Variants in GRID1 observed in about 807,000 individuals in gnomAD.
GRID1 encodes the protein glutamate ionotropic receptor delta type subunit 1, also known as glutamate receptor ionotropic, delta-1.
A neutral mutation model predicts 98.0 loss-of-function variants in GRID1; 28 were observed. The ratio of observed to expected loss-of-function variants is 0.29; its 90% CI spans 0.21 to 0.39. GRID1 has a LOEUF of 0.39. GRID1 is among the 10% of genes least tolerant of loss of function. The pLI, the probability that GRID1 is intolerant of heterozygous loss-of-function variation, is 1.00. For missense variants in GRID1, 1,111 were observed against 1,340.5 expected, an observed-to-expected ratio of 0.83 and a Z score of 2.67; for synonymous variants, 553 against 538.5, an observed-to-expected ratio of 1.03 and a Z score of -0.37.
intron 4 of GRID1, among the ~76,000 whole-genome samples, chr10:86,077,182 G>T (rs1843895108): frequency 7.3e-6 from 1 of 136,138 alleles, no homozygotes; most frequent in South Asian, 2.3e-4. Flanking sequence ...TCTCACTGTG[G>T]GGTGTCATGC....
chr10:86,169,455 C>T (rs547473931), intron 3 of GRID1, among the ~76,000 whole-genome samples: 33 of 152,266 alleles, frequency 2.2e-4, no homozygotes, highest in South Asian at 6.2e-4. Context: ...GGAGTTAGGA[C>T]GCCAGCTTCC....
chr10:86,175,369 T>C (rs984032089), intron 3 of GRID1, among the ~76,000 whole-genome samples: 1 of 149,712 alleles, frequency 6.7e-6, no homozygotes, highest in Non-Finnish European at 1.5e-5. Flanking sequence ...TCCAAGAAAG[T>C]GGTGGCCTAA....
At chr10:85,978,538 A>G (rs960575572) in intron 4 of GRID1, among the ~76,000 whole-genome samples, 4 of 152,236 alleles carry the variant, frequency 2.6e-5, no homozygotes, top group Non-Finnish European at 5.9e-5. Flanking sequence ...TCACATTACC[A>G]GGAAGGAGGA....
intron 13 of GRID1, among the ~76,000 whole-genome samples, chr10:85,622,954 C>T (rs1842874085): frequency 6.6e-6 from 1 of 152,184 alleles, no homozygotes; most frequent in Admixed American, 6.5e-5. Flanking sequence ...CAAGTACATG[C>T]CTAGAGCTCC....
intron 4 of GRID1, among the ~76,000 whole-genome samples, chr10:85,942,019 C>T (rs1842002551): frequency 6.6e-6 from 1 of 152,184 alleles, no homozygotes; most frequent in Admixed American, 6.5e-5. Flanking sequence ...TAGCTTGAAC[C>T]TAGATATACT....
intron 2 of GRID1, among the ~76,000 whole-genome samples, chr10:86,236,503 T>A (rs767030863): frequency 6.6e-6 from 1 of 152,192 alleles, no homozygotes; most frequent in African/African-American, 2.4e-5. Context: ...AAGGTCTGCA[T>A]GGTCTTGGCC....
intron 2 of GRID1, among the ~76,000 whole-genome samples, chr10:86,294,373 GCACCA>G (rs1847558216): frequency 6.6e-6 from 1 of 152,220 alleles, no homozygotes; most frequent in Non-Finnish European, 1.5e-5. Flanking sequence ...TGAGCTGTGT[GCACCA>G]GCATCTTTCT....
chr10:85,854,871 T>C (rs1843094263), intron 7 of GRID1, among the ~76,000 whole-genome samples: 2 of 152,150 alleles, frequency 1.3e-5, no homozygotes, highest in South Asian at 4.1e-4. Context: ...ATGCTTAGAG[T>C]CCCTGCTATG....
chr10:85,936,877 T>C (rs960541255), intron 4 of GRID1, among the ~76,000 whole-genome samples: 1 of 152,258 alleles, frequency 6.6e-6, no homozygotes, highest in Non-Finnish European at 1.5e-5. Flanking sequence ...GTTATTAAGT[T>C]AATTTTAATT....
intron 4 of GRID1, among the ~76,000 whole-genome samples, chr10:85,962,493 A>G (rs1335048764): frequency 3.3e-5 from 5 of 152,194 alleles, no homozygotes; most frequent in Non-Finnish European, 5.9e-5. Context: ...GAGAAGTTAC[A>G]TTGCCTGGAG....
At chr10:85,758,148 T>C (rs1842116238) in intron 8 of GRID1, among the ~76,000 whole-genome samples, 1 of 152,264 alleles carries the variant, frequency 6.6e-6, no homozygotes, top group Non-Finnish European at 1.5e-5. Flanking sequence ...AGGAAAGTTT[T>C]ATGGCCTCTT....
chr10:85,799,318 A>C (rs889205637), intron 8 of GRID1, among the ~76,000 whole-genome samples: 1 of 152,052 alleles, frequency 6.6e-6, no homozygotes, highest in African/African-American at 2.4e-5. Flanking sequence ...TGCTTTTGCT[A>C]TCTGGGATCT....
At chr10:85,858,572 A>G (rs1429008868) in intron 6 of GRID1, among the ~76,000 whole-genome samples, 1 of 152,168 alleles carries the variant, frequency 6.6e-6, no homozygotes, top group Non-Finnish European at 1.5e-5. Flanking sequence ...CCTCTGGAAA[A>G]CAAACCCATG....
intron 4 of GRID1, among the ~76,000 whole-genome samples, chr10:85,957,110 T>C (rs932988027): frequency 6.6e-6 from 1 of 152,100 alleles, no homozygotes; most frequent in African/African-American, 2.4e-5. Flanking sequence ...GAGAACAGCA[T>C]GGAGGAACCG....
chr10:85,931,927 G>GA (rs1483110830), intron 4 of GRID1, among the ~76,000 whole-genome samples: 1 of 152,168 alleles, frequency 6.6e-6, no homozygotes, highest in African/African-American at 2.4e-5. Flanking sequence ...AGTTTCTCCA[G>GA]AAAAGACTCC....
chr10:86,112,213 G>A (rs777676394), intron 4 of GRID1, among the ~76,000 whole-genome samples: 7 of 152,206 alleles, frequency 4.6e-5, no homozygotes, highest in Admixed American at 2.0e-4. Context: ...GGCCAGCCAG[G>A]AGCAGGCAGG....
At chr10:86,042,120 C>A (rs1843355123) in intron 4 of GRID1, among the ~76,000 whole-genome samples, 2 of 152,230 alleles carry the variant, frequency 1.3e-5, no homozygotes, top group African/African-American at 2.4e-5. Context: ...CTGGGAGGGT[C>A]TCCAGAGGGG....
intron 12 of GRID1, among the ~76,000 whole-genome samples, chr10:85,664,403 T>G (rs1305843875): frequency 1.3e-5 from 2 of 152,222 alleles, no homozygotes; most frequent in Non-Finnish European, 2.9e-5. Flanking sequence ...TACCTCAAAA[T>G]GCTCTTCCCT....
At chr10:86,344,114 G>A (rs955417160) in intron 2 of GRID1, among the ~76,000 whole-genome samples, 34 of 152,254 alleles carry the variant, frequency 2.2e-4, no homozygotes, top group African/African-American at 6.0e-4. Context: ...CTCTGGGGTG[G>A]AGCCTGGGCA....
Sources: allele counts gnomAD v4.1 joint callset (sites outside exome capture counted in the v4.1 genomes callset), GRCh38; gene constraint gnomAD v4.1.1; transcripts MANE v1.5; gene names NCBI Gene and HGNC (gene_info 2026-07-23, HGNC 2026-07-21).